The following LARP1B variants were observed in gnomAD, a reference collection of about 807,000 sequenced individuals.
The protein encoded by LARP1B is la-related protein 1B.
A neutral mutation model predicts 114.2 loss-of-function variants in LARP1B; 76 were observed. The ratio of observed to expected loss-of-function variants is 0.67; its 90% confidence interval spans 0.55 to 0.81. The LOEUF (loss-of-function observed/expected upper bound fraction) is 0.81, where lower values mean the gene tolerates loss of function less well. Ranked by LOEUF, LARP1B falls within the 30% of genes least tolerant of loss-of-function variation. The probability of loss-of-function intolerance (pLI) is 0.00; values close to 1 mark genes in which losing one functional copy is unlikely to be tolerated. For synonymous variants in LARP1B, 345 were observed against 348.0 expected (o/e 0.99, Z 0.10); for missense variants, 1,014 against 1,075.8 (o/e 0.94, Z 0.80).
At chr4:128,118,609 T>C (rs1786834027) in intron 10 of LARP1B, among the ~76,000 whole-genome samples, 1 of 152,052 alleles carries the variant, frequency 6.6e-6, no homozygotes, top group Non-Finnish European at 1.5e-5. Flanking sequence ...GTTTCTCTTA[T>C]TTCCACTTTC....
intron 9 of LARP1B, among the ~76,000 whole-genome samples, chr4:128,109,722 T>C (rs529631249): frequency 1.1e-4 from 16 of 152,018 alleles, no homozygotes; most frequent in African/African-American, 2.7e-4. Flanking sequence ...CTTTTTTTTT[T>C]CCCCTTGACT....
chr4:128,186,628 C>A (rs1750466264), intron 15 of LARP1B, among the ~76,000 whole-genome samples: 1 of 152,168 alleles, frequency 6.6e-6, no homozygotes, highest in Non-Finnish European at 1.5e-5. Flanking sequence ...GATGCTCTTT[C>A]TCTTGCCTAA....
At chr4:128,129,266 A>G (rs775321631) in intron 11 of LARP1B, among the ~76,000 whole-genome samples, 4 of 148,552 alleles carry the variant, frequency 2.7e-5, no homozygotes, top group Non-Finnish European at 5.9e-5. Flanking sequence ...GAGACAGGAG[A>G]ACAGATTGAA....
At chr4:128,072,545 A>G (rs2149361930) in intron 1 of LARP1B, among the ~76,000 whole-genome samples, 1 of 151,734 alleles carries the variant, frequency 6.6e-6, no homozygotes, top group South Asian at 2.1e-4. Context: ...TTTACTTGTA[A>G]TCTGTACGTA....
At chr4:128,208,149 A>G (rs1311488754) in intron 19 of LARP1B, among the ~76,000 whole-genome samples, 2 of 151,916 alleles carry the variant, frequency 1.3e-5, no homozygotes, top group East Asian at 1.9e-4. Context: ...TCAACATGGC[A>G]AAACTCTGTC....
intron 15 of LARP1B, among the ~76,000 whole-genome samples, chr4:128,192,384 A>G (rs187648543): frequency 6.6e-6 from 1 of 152,290 alleles, no homozygotes; most frequent in Admixed American, 6.5e-5. Flanking sequence ...TTACATCCTG[A>G]TGAACCCTTT....
At chr4:128,109,930 G>A (rs1008081123) in intron 9 of LARP1B, among the ~76,000 whole-genome samples, 1 of 151,448 alleles carries the variant, frequency 6.6e-6, no homozygotes, top group African/African-American at 2.5e-5. Context: ...TTGAGACGGA[G>A]CCTCACTCTG....
intron 11 of LARP1B, among the ~76,000 whole-genome samples, chr4:128,146,937 T>C (rs1483537041): frequency 6.6e-6 from 1 of 152,246 alleles, no homozygotes; most frequent in African/African-American, 2.4e-5. Flanking sequence ...CCCACTGTTA[T>C]GCTTAGTATT....
At chr4:128,087,291 G>A (rs1460354868) in intron 5 of LARP1B, among the ~76,000 whole-genome samples, 2 of 152,184 alleles carry the variant, frequency 1.3e-5, no homozygotes, top group African/African-American at 2.4e-5. Flanking sequence ...GAAACAATAG[G>A]ATGAGCATTT....
At chr4:128,098,098 A>G (rs1014074286) in intron 7 of LARP1B, 88 bp from the exon 8 acceptor site, 2 of 1,000,672 alleles carry the variant, frequency 2.0e-6, no homozygotes, top group African/African-American at 1.6e-5. Context: ...TTTCATGTTA[A>G]TGATTGGTTT....
At chr4:128,191,523 T>C (rs1350203032) in intron 15 of LARP1B, among the ~76,000 whole-genome samples, 2 of 152,120 alleles carry the variant, frequency 1.3e-5, no homozygotes, top group African/African-American at 4.8e-5. Flanking sequence ...CTCACAAACA[T>C]TGGAGCACTG....
chr4:128,112,912 T>C (rs1213049969), intron 9 of LARP1B, among the ~76,000 whole-genome samples: 1 of 152,240 alleles, frequency 6.6e-6, no homozygotes, highest in African/African-American at 2.4e-5. Flanking sequence ...ATTAAAGCTA[T>C]CTGATTTTAC....
intron 11 of LARP1B, among the ~76,000 whole-genome samples, chr4:128,130,222 A>C (rs1791129494): frequency 2.0e-5 from 3 of 152,180 alleles, no homozygotes. Context: ...GAAGCCATTG[A>C]CTGCTAGAAA....
chr4:128,121,489 G>A (rs959466899), intron 10 of LARP1B, among the ~76,000 whole-genome samples: 1 of 152,208 alleles, frequency 6.6e-6, no homozygotes, highest in Non-Finnish European at 1.5e-5. Context: ...AATTGGTTCT[G>A]TTTATAATTA....
In LARP1B at chr4:128,211,036, T is replaced by TA; in HGVS notation, c.*984dup. Reference sequence around the variant, plus strand: ...TGTTTTTATAAATGTTTTCAAGAGTTATAGCAAATTGATTTCTAATTTTTA... The same window carrying TA: ...TGTTTTTATAAATGTTTTCAAGAGTTAATAGCAAATTGATTTCTAATTTTTA... On this transcript the variant is annotated 3_prime_UTR_variant, in exon 20 of 20. Coordinates refer to ENST00000326639, the MANE Select transcript of LARP1B (RefSeq NM_018078.4). 1.1e-6 allele frequency: 1 copy of TA among 902,816 alleles called. No homozygotes were observed. The highest frequency in any genetic ancestry group is 1.3e-6 in the Non-Finnish European group (1 of 754,856). 55.9% of individuals were successfully genotyped at this position (902,816 alleles called of 1,614,324 possible).
chr4:128,067,009 C>T (rs1054421644), intron 1 of LARP1B, among the ~76,000 whole-genome samples: 1 of 148,512 alleles, frequency 6.7e-6, no homozygotes, highest in African/African-American at 2.5e-5. Context: ...GGTTTTACCA[C>T]GTTGGCCAGG....
chr4:128,171,243 C>G (rs1047491359), intron 12 of LARP1B, among the ~76,000 whole-genome samples: 2 of 152,080 alleles, frequency 1.3e-5, no homozygotes, highest in South Asian at 2.1e-4. Context: ...ATCCTACCAC[C>G]TCAGCCTCCC....
intron 18 of LARP1B, chr4:128,206,827 A>G (rs1757725457): frequency 1.0e-6 from 1 of 985,416 alleles, no homozygotes; most frequent in Non-Finnish European, 1.2e-6. Flanking sequence ...TGAAAATTCT[A>G]TGCAACATCA....
chr4:128,133,999 A>ATTTTTT (rs71587365), intron 11 of LARP1B, among the ~76,000 whole-genome samples: 1 of 139,082 alleles, frequency 7.2e-6, no homozygotes. Context: ...GCCCAGCCCA[A>ATTTTTT]TTTTTTTTTT....
Sources: allele counts gnomAD v4.1 joint callset (sites outside exome capture counted in the v4.1 genomes callset), GRCh38; gene constraint gnomAD v4.1.1; transcripts MANE v1.5; gene names NCBI Gene and HGNC (gene_info 2026-07-23, HGNC 2026-07-21).